The following P2RY14 variants were observed in gnomAD, a reference collection of about 807,000 sequenced individuals.
P2RY14 encodes the protein purinergic receptor P2Y14.
P2RY14 carries 2 observed loss-of-function variants against 0.9 expected under a neutral mutation model. The observed-to-expected ratio is 2.16, with a 90% CI of 0.88 to 6.79. The LOEUF (loss-of-function observed/expected upper bound fraction) is 6.79, where lower values mean the gene tolerates loss of function less well. Among genes scored for constraint, P2RY14 ranks in the 30% most tolerant of loss-of-function variants. The pLI is 0.05. For synonymous variants in P2RY14, 158 were observed against 147.2 expected (o/e 1.07, Z -0.53); for missense variants, 378 against 400.1 (o/e 0.94, Z 0.47).
intron 1 of P2RY14, among the ~76,000 whole-genome samples, chr3:151,245,195 G>A (rs1467368956): frequency 3.3e-5 from 5 of 152,186 alleles, no homozygotes; most frequent in African/African-American, 9.7e-5. Flanking sequence ...GAGGTATAAG[G>A]AGGAACTGGT....
At chr3:151,228,728 T>G (rs1276878286) in intron 1 of P2RY14, among the ~76,000 whole-genome samples, 1 of 152,224 alleles carries the variant, frequency 6.6e-6, no homozygotes, top group Non-Finnish European at 1.5e-5. Flanking sequence ...TAATCTTTCA[T>G]GAGAGTGGCA....
At chr3:151,222,971 T>G (rs1729682164) in intron 1 of P2RY14, among the ~76,000 whole-genome samples, 1 of 152,190 alleles carries the variant, frequency 6.6e-6, no homozygotes, top group South Asian at 2.1e-4. Flanking sequence ...AATTGGTATT[T>G]TATACCTATT....
chr3:151,226,454 C>T (rs1367535009), intron 1 of P2RY14, among the ~76,000 whole-genome samples: 1 of 152,200 alleles, frequency 6.6e-6, no homozygotes, highest in East Asian at 1.9e-4. Flanking sequence ...GCACCTAACA[C>T]ATAGCCAGAC....
intron 1 of P2RY14, among the ~76,000 whole-genome samples, chr3:151,266,066 G>A (rs1486897985): frequency 1.3e-5 from 2 of 152,146 alleles, no homozygotes; most frequent in African/African-American, 4.8e-5. Flanking sequence ...GTGTGCACAG[G>A]TGCCCTTGGC....
chr3:151,259,393 C>T (rs185592696), intron 1 of P2RY14, among the ~76,000 whole-genome samples: 1 of 152,298 alleles, frequency 6.6e-6, no homozygotes, highest in Admixed American at 6.5e-5. Context: ...TCACCAAATG[C>T]TTAACCAGTA....
At position 151,214,220 on chromosome 3, in the gene P2RY14, A is replaced by G. The variant is rs772507823; in HGVS notation, c.97T>C (p.Phe33Leu). ...CCATTGAGTAGGATTCCTGCAATGA[A>G]GACCATACAGTACAGCACAGGAATG... ...QIIPVLYCMV[F>L]IAGILLNGVS... The change falls in exon 3 of 3, where the codon TTC becomes CTC. Residue 33 changes from phenylalanine (F) to leucine (L), a missense_variant. Phe to Leu is a conservative substitution (Grantham distance 22). Coordinates refer to ENST00000309170, the MANE Select transcript of P2RY14 (RefSeq NM_014879.4). The G allele has an allele frequency of 1.4e-5, 23 of 1,614,104 alleles. No homozygotes were observed. Among genetic ancestry groups the G allele is most frequent in the Non-Finnish European group, 1.9e-5 (23 of 1,179,932 alleles).
At chr3:151,270,242 T>TGTGTGTGTGTGTGTGTGTG (rs1553764758) in intron 1 of P2RY14, 58 of 155,052 alleles carry the variant, frequency 3.7e-4, no homozygotes, top group African/African-American at 4.3e-4. Flanking sequence ...TGTGTGTGTG[T>TGTGTGTGTGTGTGTGTGTG]TTTCTTTTGG....
At chr3:151,239,357 A>G (rs1438327467) in intron 1 of P2RY14, among the ~76,000 whole-genome samples, 1 of 152,240 alleles carries the variant, frequency 6.6e-6, no homozygotes, top group Non-Finnish European at 1.5e-5. Flanking sequence ...CTGTCAAAGA[A>G]GAAAATCCAG....
At chr3:151,274,403 C>T (rs1741502341) in intron 1 of P2RY14, among the ~76,000 whole-genome samples, 3 of 152,130 alleles carry the variant, frequency 2.0e-5, no homozygotes, top group South Asian at 4.1e-4. Context: ...TTCCTTTTTT[C>T]ACTTCTATAA....
chr3:151,265,992 T>C (rs777592070), intron 1 of P2RY14, among the ~76,000 whole-genome samples: 6 of 152,184 alleles, frequency 3.9e-5, no homozygotes, highest in Non-Finnish European at 8.8e-5. Context: ...TTAATTGTTG[T>C]CTGTGCCTTC....
intron 1 of P2RY14, among the ~76,000 whole-genome samples, chr3:151,268,937 C>T (rs1386939644): frequency 1.3e-5 from 2 of 152,144 alleles, no homozygotes; most frequent in African/African-American, 2.4e-5. Context: ...GTTTTCTGAG[C>T]GTCTTCCTGA....
intron 2 of P2RY14, among the ~76,000 whole-genome samples, chr3:151,217,509 A>G (rs1728475854): frequency 6.6e-6 from 1 of 152,194 alleles, no homozygotes; most frequent in Non-Finnish European, 1.5e-5. Context: ...GCCTCCTGAA[A>G]TGGAGTGAAT....
At chr3:151,240,876 T>G (rs1364642517) in intron 1 of P2RY14, among the ~76,000 whole-genome samples, 1 of 152,240 alleles carries the variant, frequency 6.6e-6, no homozygotes, top group Non-Finnish European at 1.5e-5. Flanking sequence ...GACTTTATTC[T>G]TCAAGTACCA....
In P2RY14 at chr3:151,262,956, A is replaced by C. The variant is rs1293040401; in HGVS notation, c.-133+15331T>G. ...AGCTGGTAAGGATTTGAGTTGAGGC[A>C]GGGGAAGCCGTAGTTCTCTAGGGCA... On this transcript the variant is annotated intron_variant, in intron 1 of 2. Transcript: ENST00000309170. 2.0e-5 allele frequency among the ~76,000 whole-genome samples: 3 copies of C among 152,192 alleles called. No homozygotes were observed. In the East Asian group the frequency reaches 5.8e-4, roughly 29 times the overall value.
chr3:151,222,673 G>A (rs181577052), intron 1 of P2RY14, among the ~76,000 whole-genome samples: 72 of 152,226 alleles, frequency 4.7e-4, no homozygotes, highest in African/African-American at 1.7e-3. Context: ...TTTGTAAATT[G>A]CCCATTCTCA....
chr3:151,266,815 T>C (rs889093843), intron 1 of P2RY14, among the ~76,000 whole-genome samples: 4 of 152,206 alleles, frequency 2.6e-5, no homozygotes, highest in East Asian at 3.9e-4. Flanking sequence ...GTGCTGTAGA[T>C]GTCCTACGAA....
At chr3:151,245,827 A>G (rs1735315643) in intron 1 of P2RY14, among the ~76,000 whole-genome samples, 1 of 150,174 alleles carries the variant, frequency 6.7e-6, no homozygotes, top group Non-Finnish European at 1.5e-5. Flanking sequence ...AGGAAGTCAA[A>G]TTGTCCCTGT....
At chr3:151,256,722 T>G (rs1177690056) in intron 1 of P2RY14, among the ~76,000 whole-genome samples, 1 of 152,070 alleles carries the variant, frequency 6.6e-6, no homozygotes, top group Non-Finnish European at 1.5e-5. Flanking sequence ...AGGAAACATT[T>G]ATTTTTCTTA....
intron 1 of P2RY14, among the ~76,000 whole-genome samples, chr3:151,226,759 C>T (rs981327022): frequency 6.6e-6 from 1 of 152,168 alleles, no homozygotes; most frequent in South Asian, 2.1e-4. Context: ...CATAGAGAAC[C>T]TCCTTTTGAT....
Sources: allele counts gnomAD v4.1 joint callset (sites outside exome capture counted in the v4.1 genomes callset), GRCh38; gene constraint gnomAD v4.1.1; transcripts MANE v1.5; gene names NCBI Gene and HGNC (gene_info 2026-07-23, HGNC 2026-07-21).